The following SOBP variants were observed in gnomAD, a reference collection of about 807,000 sequenced individuals.
SOBP encodes the protein sine oculis binding protein homolog, also known as sine oculis-binding protein homolog.
SOBP carries 4 observed loss-of-function variants against 53.6 expected under a neutral mutation model. The observed-to-expected ratio is 0.07, with a 90% CI of 0.04 to 0.17. The LOEUF is 0.17. SOBP is among the 10% of genes least tolerant of loss of function. The probability of loss-of-function intolerance (pLI) is 1.00; values close to 1 mark genes in which losing one functional copy is unlikely to be tolerated. For synonymous variants in SOBP, 584 were observed against 522.6 expected (o/e 1.12, Z -1.60); for missense variants, 1,088 against 1,204.7 (o/e 0.90, Z 1.43).
At chr6:107,646,611 TC>T (rs2115170129) in intron 6 of SOBP, among the ~76,000 whole-genome samples, 1 of 152,330 alleles carries the variant, frequency 6.6e-6, no homozygotes, top group East Asian at 1.9e-4. Context: ...TGCTCTATAT[TC>T]CTTAGACATC....
At chr6:107,504,965 C>T (rs1221061427) in intron 2 of SOBP, among the ~76,000 whole-genome samples, 1 of 152,160 alleles carries the variant, frequency 6.6e-6, no homozygotes, top group Non-Finnish European at 1.5e-5. Context: ...CCAGGATATG[C>T]TACTAGAACG....
At chr6:107,649,624 C>A (rs1771717767) in intron 6 of SOBP, among the ~76,000 whole-genome samples, 2 of 149,862 alleles carry the variant, frequency 1.3e-5, no homozygotes, top group South Asian at 4.2e-4. Context: ...TTCTATTTTT[C>A]TTTTTTGGGA....
At chr6:107,580,147 C>T (rs1429240482) in intron 4 of SOBP, among the ~76,000 whole-genome samples, 1 of 152,200 alleles carries the variant, frequency 6.6e-6, no homozygotes, top group African/African-American at 2.4e-5. Flanking sequence ...GGAGCAGATG[C>T]CTGGGTCCAG....
At chr6:107,578,042 C>G (rs1016146052) in intron 4 of SOBP, among the ~76,000 whole-genome samples, 11 of 148,546 alleles carry the variant, frequency 7.4e-5, no homozygotes, top group African/African-American at 2.5e-4. Flanking sequence ...CCACTGCGCT[C>G]CAGCCTGGGC....
At chr6:107,522,559 T>TTTG (rs1783543774) in intron 3 of SOBP, among the ~76,000 whole-genome samples, 1 of 149,430 alleles carries the variant, frequency 6.7e-6, no homozygotes, top group Admixed American at 6.7e-5. Flanking sequence ...TTTTTTTTTT[T>TTTG]GTGGCAAGGT....
At chr6:107,642,903 A>G (rs1026291299) in intron 6 of SOBP, among the ~76,000 whole-genome samples, 1 of 152,232 alleles carries the variant, frequency 6.6e-6, no homozygotes, top group African/African-American at 2.4e-5. Context: ...CCTCATTTGC[A>G]TGGCTTATTT....
chr6:107,630,067 T>G (rs1770640490), intron 5 of SOBP, among the ~76,000 whole-genome samples: 1 of 152,198 alleles, frequency 6.6e-6, no homozygotes. Flanking sequence ...CTGTCCAATC[T>G]AGGACCTGTT....
chr6:107,563,784 G>A (rs959847307), intron 4 of SOBP, among the ~76,000 whole-genome samples: 5 of 152,196 alleles, frequency 3.3e-5, no homozygotes, highest in African/African-American at 1.2e-4. Context: ...TTGAGGGGAT[G>A]CAGCCTCATA....
intron 6 of SOBP, among the ~76,000 whole-genome samples, chr6:107,640,088 A>G (rs1268443203): frequency 6.6e-6 from 1 of 152,214 alleles, no homozygotes; most frequent in Non-Finnish European, 1.5e-5. Context: ...ATGGAGCCAC[A>G]GTCCTAGAAA....
At chr6:107,608,101 G>T (rs545460353) in intron 5 of SOBP, among the ~76,000 whole-genome samples, 2 of 152,232 alleles carry the variant, frequency 1.3e-5, no homozygotes, top group Non-Finnish European at 2.9e-5. Context: ...CTAGGGTCCT[G>T]AAGGAAGGAT....
At chr6:107,540,203 GT>G (rs1395440995) in intron 4 of SOBP, among the ~76,000 whole-genome samples, 1 of 152,216 alleles carries the variant, frequency 6.6e-6, no homozygotes, top group Admixed American at 6.5e-5. Flanking sequence ...GCCTAGTATA[GT>G]CGAGAGGCCC....
intron 4 of SOBP, among the ~76,000 whole-genome samples, chr6:107,556,053 T>C (rs1480225781): frequency 6.6e-6 from 1 of 152,228 alleles, no homozygotes; most frequent in Non-Finnish European, 1.5e-5. Context: ...TTTTTAAAAA[T>C]GAGGACATTA....
At chr6:107,562,029 T>C (rs1784786299) in intron 4 of SOBP, among the ~76,000 whole-genome samples, 1 of 149,240 alleles carries the variant, frequency 6.7e-6, no homozygotes, top group Non-Finnish European at 1.5e-5. Flanking sequence ...GCTCCCTGGT[T>C]CTTTTTTTTT....
intron 3 of SOBP, among the ~76,000 whole-genome samples, chr6:107,516,477 C>CAAA (rs577976911): frequency 2.6e-5 from 3 of 116,082 alleles, no homozygotes; most frequent in African/African-American, 9.4e-5. Context: ...GACTCTGTCT[C>CAAA]AAAAAAAAAA....
intron 4 of SOBP, among the ~76,000 whole-genome samples, chr6:107,582,239 G>C (rs1253732893): frequency 2.0e-5 from 3 of 152,218 alleles, no homozygotes; most frequent in African/African-American, 7.2e-5. Context: ...AGAATGCCTA[G>C]CTTGCTCCAA....
At chr6:107,499,721 A>G (rs973448352) in intron 1 of SOBP, among the ~76,000 whole-genome samples, 1 of 152,182 alleles carries the variant, frequency 6.6e-6, no homozygotes, top group Admixed American at 6.5e-5. Context: ...CAGAATCCTA[A>G]AACTGGGAGG....
intron 4 of SOBP, among the ~76,000 whole-genome samples, chr6:107,581,979 C>T (rs1035383782): frequency 1.3e-5 from 2 of 152,150 alleles, no homozygotes; most frequent in South Asian, 2.1e-4. Flanking sequence ...GTTGTGCTCT[C>T]CCCGGCCCTG....
chr6:107,523,057 A>G (rs993165400), intron 3 of SOBP, among the ~76,000 whole-genome samples: 1 of 152,120 alleles, frequency 6.6e-6, no homozygotes, highest in Non-Finnish European at 1.5e-5. Flanking sequence ...ACTTACTAAG[A>G]TGTCTGGGAG....
chr6:107,621,066 T>A, intron 5 of SOBP: 1 of 478,096 alleles, frequency 2.1e-6, no homozygotes, highest in Non-Finnish European at 2.7e-6. Flanking sequence ...AAATAAGGTA[T>A]GTTATCTGGC....
Sources: gnomAD v4.1 joint callset for allele counts (sites outside exome capture counted in the v4.1 genomes callset) on GRCh38, gnomAD v4.1.1 for gene constraint, MANE v1.5 for transcripts, NCBI Gene and HGNC (gene_info 2026-07-23, HGNC 2026-07-21) for gene names.